Variants in MALT1 observed in about 807,000 individuals in gnomAD.
The protein encoded by MALT1 is mucosa-associated lymphoid tissue lymphoma translocation protein 1.
Under a neutral mutation model 85.5 loss-of-function variants are expected in MALT1, and 36 were observed. The ratio of observed to expected loss-of-function variants is 0.42; its 90% confidence interval spans 0.32 to 0.56. The LOEUF (loss-of-function observed/expected upper bound fraction) is 0.56. Ranked by LOEUF, MALT1 falls within the 20% of genes least tolerant of loss-of-function variation. The pLI, the probability that MALT1 is intolerant of heterozygous loss-of-function variation, is 0.10. For synonymous variants in MALT1, 359 were observed against 361.3 expected, an observed-to-expected ratio of 0.99 and a Z score of 0.07; for missense variants, 716 against 981.6, an observed-to-expected ratio of 0.73 and a Z score of 3.62.
chr18:58,688,822 G>C (rs1053989751), intron 2 of MALT1, among the ~76,000 whole-genome samples: 1 of 152,092 alleles, frequency 6.6e-6, no homozygotes. Flanking sequence ...GGCTCACTGT[G>C]GCAGAAAGCG....
chr18:58,744,262 C>A, intron 14 of MALT1, 76 bp from the exon 15 acceptor site: 1 of 928,696 alleles, frequency 1.1e-6, no homozygotes, highest in Non-Finnish European at 1.6e-6. Context: ...GAAATGCTAA[C>A]TATATTCTCC....
At chr18:58,736,526 C>G (rs1189231528) in intron 13 of MALT1, among the ~76,000 whole-genome samples, 5 of 151,982 alleles carry the variant, frequency 3.3e-5, no homozygotes, top group Admixed American at 2.0e-4. Flanking sequence ...TCCAGAAACT[C>G]TACAGTGTTT....
chr18:58,717,422 T>G (rs2054918495), intron 9 of MALT1, among the ~76,000 whole-genome samples: 1 of 151,886 alleles, frequency 6.6e-6, no homozygotes, highest in African/African-American at 2.4e-5. Flanking sequence ...TAGATCTTAT[T>G]CTATGGCAGA....
chr18:58,717,746 C>CAAAA (rs35207196), intron 9 of MALT1, among the ~76,000 whole-genome samples: 6 of 100,562 alleles, frequency 6.0e-5, no homozygotes, highest in African/African-American at 1.1e-4. Context: ...ACTCTTGTCT[C>CAAAA]AAAAAAAAAA....
intron 4 of MALT1, among the ~76,000 whole-genome samples, chr18:58,707,324 T>TA (rs1451566950): frequency 3.3e-5 from 5 of 152,002 alleles, no homozygotes; most frequent in Non-Finnish European, 7.4e-5. Flanking sequence ...CTCTATCTGA[T>TA]AATTCCAGAA....
intron 7 of MALT1, among the ~76,000 whole-genome samples, chr18:58,712,657 GTC>G (rs1031882718): frequency 6.6e-6 from 1 of 152,126 alleles, no homozygotes; most frequent in Admixed American, 6.6e-5. Context: ...TATTTACCAT[GTC>G]TCTCAAAATA....
intron 5 of MALT1, 91 bp downstream of exon 5, chr18:58,709,647 C>A: frequency 1.9e-6 from 2 of 1,051,028 alleles, no homozygotes; most frequent in Non-Finnish European, 2.7e-6. Flanking sequence ...AAACTCATAT[C>A]CTTTCAGATG....
At chr18:58,713,188 A>T (rs934455074) in intron 7 of MALT1, among the ~76,000 whole-genome samples, 10 of 152,194 alleles carry the variant, frequency 6.6e-5, no homozygotes, top group African/African-American at 1.7e-4. Context: ...TTTCTACATT[A>T]AAAAAGTATG....
rs578169416 is a variant in MALT1, at chr18:58,748,355, T to C, written c.*513T>C. The stretch of plus-strand genomic sequence containing the variant: ...CTGACAGGTTCTGAGATAAGTGTTA[T>C]GTTTGTAGATAGAGTGAAATATATT... On this transcript the variant is annotated 3_prime_UTR_variant, in exon 17 of 17. Coordinates refer to ENST00000649217, the MANE Select transcript of MALT1 (RefSeq NM_006785.4). 360 of 191,206 alleles carry C rather than the reference T, an allele frequency of 1.9e-3. 1 individual carries two copies. The highest frequency in any genetic ancestry group is 5.4e-3 in the Middle Eastern group (3 of 556). The allele number at this position is 191,206 out of a possible 1,614,324, so 11.8% of individuals were successfully genotyped here. A position where few individuals can be genotyped will look rare whatever the true frequency, so the allele number is the denominator to read the frequency against.
rs2054868219 is a variant in MALT1, at chr18:58,714,065, TC to T, written c.959-17del. 8.6e-7 allele frequency: 1 copy of T among 1,158,012 alleles called. No homozygotes were observed. Among genetic ancestry groups the T allele is most frequent in the African/African-American group, 1.5e-5 (1 of 65,522 alleles). 71.7% of individuals were successfully genotyped at this position (1,158,012 alleles called of 1,614,324 possible). A position where few individuals can be genotyped will look rare whatever the true frequency, so the allele number is the denominator to read the frequency against. On this transcript the variant is annotated splice_polypyrimidine_tract_variant and intron_variant, in intron 7 of 16. Transcript: ENST00000649217. ...GGTGTTTAGATTACTTAATCTATTTTCTCTTACTTTGTTTTAGATGAATTAA... is the reference window on the plus strand; with the variant it reads ...GGTGTTTAGATTACTTAATCTATTTTTCTTACTTTGTTTTAGATGAATTAA...
intron 2 of MALT1, among the ~76,000 whole-genome samples, chr18:58,687,803 C>T (rs1353813232): frequency 6.6e-6 from 1 of 152,146 alleles, no homozygotes; most frequent in Non-Finnish European, 1.5e-5. Context: ...ATAATTTCAG[C>T]AGGGTTTTAA....
At position 58,671,677 on chromosome 18, in the gene MALT1, C is replaced by T. The variant is rs1478045882; in HGVS notation, c.34C>T (p.Pro12Ser). The T allele has an allele frequency of 8.0e-7, 1 of 1,243,048 alleles. No homozygotes were observed. The highest frequency in any genetic ancestry group is 1.0e-6 in the Non-Finnish European group (1 of 994,946). 77.0% of individuals were successfully genotyped at this position (1,243,048 alleles called of 1,614,324 possible). ...SLLGDPLQAL[P>S]PSAAPTGPLL... ...GTTGGGGGACCCGCTACAGGCCCTG[C>T]CGCCCTCGGCCGCCCCCACGGGGCC... is the stretch of plus-strand genomic sequence containing the variant. Residue 12 changes from proline (P) to serine (S), a missense_variant, in exon 1 of 17, where the codon CCG (proline) becomes TCG (serine). Pro to Ser is a moderately conservative substitution (Grantham distance 74). This residue lies in a region of MALT1 where 80 missense variants were observed against 65.1 expected (regional missense o/e 1.23). Coordinates refer to ENST00000649217, the MANE Select transcript of MALT1 (RefSeq NM_006785.4).
intron 13 of MALT1, 74 bp downstream of exon 13, chr18:58,735,403 CT>C: frequency 2.7e-6 from 4 of 1,473,314 alleles, no homozygotes; most frequent in Non-Finnish European, 9.0e-7. Flanking sequence ...AGGGTTCCCT[CT>C]CTGGTGATTG....
intron 6 of MALT1, among the ~76,000 whole-genome samples, chr18:58,710,290 G>C (rs2054814777): frequency 6.6e-6 from 1 of 152,148 alleles, no homozygotes; most frequent in Non-Finnish European, 1.5e-5. Flanking sequence ...AGGAAAAAAA[G>C]CCATTTTGTT....
intron 4 of MALT1, among the ~76,000 whole-genome samples, chr18:58,702,538 A>G (rs533699856): frequency 3.3e-5 from 5 of 152,344 alleles, no homozygotes; most frequent in African/African-American, 9.6e-5. Flanking sequence ...CTTGAGTTCT[A>G]TAATTAGGAT....
intron 1 of MALT1, among the ~76,000 whole-genome samples, chr18:58,675,971 G>T (rs1277116087): frequency 6.6e-6 from 1 of 152,030 alleles, no homozygotes; most frequent in African/African-American, 2.4e-5. Context: ...CAAAAACTTC[G>T]AATTCATTCC....
chr18:58,749,008 T>G lies in MALT1; in HGVS notation c.*1166T>G, dbSNP rs537326217. 1.7e-3 allele frequency: 346 copies of G among 209,562 alleles called. No homozygotes were observed. The highest frequency in any genetic ancestry group is 2.9e-3 in the Non-Finnish European group (298 of 103,036). The allele number at this position is 209,562 out of a possible 1,614,324, so 13.0% of individuals were successfully genotyped here. A position where few individuals can be genotyped will look rare whatever the true frequency, so the allele number is the denominator to read the frequency against. On this transcript the variant is annotated 3_prime_UTR_variant, in exon 17 of 17. Transcript: ENST00000649217. ...TTATTAATACAAACACAAAAATCAT[T>G]AACAAAAATATTAGCAAACTGAATC...
rs1350594440 is a variant in MALT1 at position 58,745,794 on chromosome 18, T to G, written c.2037+3T>G. ...TCAGTTCACTGCAAAAATTAAAGGT[T>G]ACTACCTTTTCTGTTTATAGCTACT... On this transcript the variant is annotated splice_donor_region_variant and intron_variant, in intron 16 of 16. Coordinates refer to ENST00000649217, the MANE Select transcript of MALT1 (RefSeq NM_006785.4). The G allele has an allele frequency of 5.0e-6, 8 of 1,608,582 alleles. No individual in the cohort carries two copies. Among genetic ancestry groups the G allele is most frequent in the Non-Finnish European group, 6.8e-6 (8 of 1,178,234 alleles).
rs1396030867 is a variant in MALT1 at position 58,749,679 on chromosome 18, A to G, written c.*1837A>G. ...AAATACATAACCTTGAATAATGAGG[A>G]TCAACTGTACCATATTTAATAAAGC... On this transcript the variant is annotated 3_prime_UTR_variant, in exon 17 of 17. Transcript: ENST00000649217. The G allele has an allele frequency of 4.5e-6, 1 of 221,104 alleles. No homozygotes were observed. The highest frequency in any genetic ancestry group is 2.2e-5 in the African/African-American group (1 of 44,684). The allele number at this position is 221,104 out of a possible 1,614,324, so 13.7% of individuals were successfully genotyped here. A position where few individuals can be genotyped will look rare whatever the true frequency, so the allele number is the denominator to read the frequency against.
Sources: gnomAD v4.1 joint callset for allele counts (sites outside exome capture counted in the v4.1 genomes callset) on GRCh38, gnomAD v4.1.1 for gene constraint, gnomAD v4.1.1 regional missense constraint, MANE v1.5 for transcripts, NCBI Gene and HGNC (gene_info 2026-07-23, HGNC 2026-07-21) for gene names.